Variants in POMGNT1 observed in about 807,000 individuals in gnomAD.
POMGNT1 encodes protein O-linked-mannose beta-1,2-N-acetylglucosaminyltransferase 1.
Under a neutral mutation model 95.6 loss-of-function variants are expected in POMGNT1, and 67 were observed. The ratio of observed to expected loss-of-function variants is 0.70; its 90% CI spans 0.58 to 0.86. The LOEUF (loss-of-function observed/expected upper bound fraction) is 0.86, where lower values mean the gene tolerates loss of function less well. Ranked by LOEUF, POMGNT1 falls within the 40% of genes least tolerant of loss-of-function variation. The probability of loss-of-function intolerance (pLI) is 0.00; values close to 1 mark genes in which losing one functional copy is unlikely to be tolerated. For missense variants in POMGNT1, 719 were observed against 855.2 expected (o/e 0.84, Z 1.99); for synonymous variants, 298 against 317.9 (o/e 0.94, Z 0.66).
At chr1:46,203,876 A>G (rs1458790876) in intron 1 of POMGNT1, among the ~76,000 whole-genome samples, 1 of 152,082 alleles carries the variant, frequency 6.6e-6, no homozygotes, top group East Asian at 1.9e-4. Flanking sequence ...TTTGGAAGTT[A>G]TTCCTGCCAA....
chr1:46,220,205 T>C (rs762177214), exon 1 of POMGNT1: 2 of 1,607,934 alleles, frequency 1.2e-6, no homozygotes, highest in Non-Finnish European at 1.7e-6. Flanking sequence ...GCCAGGATGA[T>C]GTGACCTTCT....
chr1:46,189,046 C>G lies in POMGNT1; in HGVS notation c.*224G>C. 2.6e-6 allele frequency: 4 copies of G among 1,542,936 alleles called. No homozygotes were observed. The highest frequency in any genetic ancestry group is 3.5e-6 in the Non-Finnish European group (4 of 1,150,064). ...GGGATCGTAATGATTCCCAGGTACT[C>G]TCCTGCCCTTCTCCAACAAGGAAGT... On this transcript the variant is annotated 3_prime_UTR_variant, in exon 22 of 22. Coordinates refer to ENST00000371984, the MANE Select transcript of POMGNT1 (RefSeq NM_017739.4).
chr1:46,197,589 C>T (rs1009251584), intron 2 of POMGNT1, 113 bp downstream of exon 2: 2 of 1,574,310 alleles, frequency 1.3e-6, no homozygotes, highest in East Asian at 2.2e-5. Flanking sequence ...CCTCTAGGAA[C>T]CTGCTGCCCC....
At chr1:46,199,230 A>G (rs894508855), upstream of POMGNT1, among the ~76,000 whole-genome samples, 16 of 152,202 alleles carry the variant, frequency 1.1e-4, no homozygotes, top group Non-Finnish European at 2.1e-4. Context: ...GCAGTGAGCC[A>G]CCGTGCTGGC....
intron 17 of POMGNT1, chr1:46,191,348 T>C (rs912222004): frequency 8.3e-5 from 16 of 193,634 alleles, no homozygotes; most frequent in Admixed American, 6.4e-4. Context: ...GGAATGGTCC[T>C]CTGAATGCAG....
chr1:46,218,505 CAT>C (rs938771827), intron 1 of POMGNT1, among the ~76,000 whole-genome samples: 8 of 152,242 alleles, frequency 5.3e-5, no homozygotes, highest in African/African-American at 1.9e-4. Flanking sequence ...GCGAGAGCCA[CAT>C]GTTACAGGCT....
At position 46,193,418 on chromosome 1, in the gene POMGNT1, G is replaced by T. The variant is rs1253674047; in HGVS notation, c.1027-30C>A. The T allele has an allele frequency of 3.1e-6, 5 of 1,607,738 alleles. No individual in the cohort carries two copies. In the South Asian group the frequency reaches 5.5e-5, roughly 18 times the overall value. ...GGGACATGGCCACTGCTCACCATGTGAGGTCACTTTCCCTCTGCCCACCTC... is the reference window on the plus strand; with the variant it reads ...GGGACATGGCCACTGCTCACCATGTTAGGTCACTTTCCCTCTGCCCACCTC... On this transcript the variant is annotated intron_variant, in intron 11 of 21. Coordinates refer to ENST00000371984, the MANE Select transcript of POMGNT1 (RefSeq NM_017739.4).
intron 2 of POMGNT1, chr1:46,197,407 G>T: frequency 6.7e-7 from 1 of 1,490,118 alleles, no homozygotes; most frequent in South Asian, 1.2e-5. Flanking sequence ...CCAAGCGGGG[G>T]ATCAGACCTG....
rs184338401 is a variant in POMGNT1, at chr1:46,207,961, G to A, written c.-50-10090C>T. On this transcript the variant is annotated intron_variant, in intron 1 of 22. Transcript: ENST00000371992. The stretch of plus-strand genomic sequence containing the variant: ...CGGCTCACTGCAACCTCTGCCTCCC[G>A]GGTTCAAGCGATTCTCCTGCCTCAG... 5.8e-4 allele frequency among the ~76,000 whole-genome samples: 88 copies of A among 152,016 alleles called. 1 individual carries two copies. Among genetic ancestry groups the A allele is most frequent in the African/African-American group, 2.1e-3 (85 of 41,442 alleles).
intron 1 of POMGNT1, among the ~76,000 whole-genome samples, chr1:46,216,876 T>G (rs2148252582): frequency 6.6e-6 from 1 of 152,318 alleles, no homozygotes; most frequent in South Asian, 2.1e-4. Flanking sequence ...CATTTATAAG[T>G]TAGAACATGC....
chr1:46,197,442 G>C, intron 2 of POMGNT1: 1 of 1,492,450 alleles, frequency 6.7e-7, no homozygotes, highest in Non-Finnish European at 8.9e-7. Context: ...CTGCCTCACA[G>C]GGGTGTGCCT....
chr1:46,194,041 T>A, intron 9 of POMGNT1, 116 bp from the exon 10 acceptor site: 2 of 1,556,640 alleles, frequency 1.3e-6, no homozygotes, highest in African/African-American at 1.3e-5. Flanking sequence ...AGGGAAGGGA[T>A]AGAGGATCTT....
intron 1 of POMGNT1, chr1:46,203,604 A>G (rs62620991): frequency 6.3e-7 from 1 of 1,598,634 alleles, no homozygotes; most frequent in East Asian, 2.3e-5. Flanking sequence ...GGACAAGATC[A>G]TGGCGCTGAA....
At chr1:46,190,692 C>T in intron 18 of POMGNT1, 28 bp downstream of exon 18, 8 of 1,597,242 alleles carry the variant, frequency 5.0e-6, no homozygotes, top group Non-Finnish European at 6.9e-6. Flanking sequence ...CCTAGATATC[C>T]ACCCCTTGCC....
At chr1:46,195,767 T>C in intron 6 of POMGNT1, 44 bp downstream of exon 6, 11 of 1,524,220 alleles carry the variant, frequency 7.2e-6, no homozygotes, top group Non-Finnish European at 9.8e-6. Context: ...GAAGCAGGGT[T>C]GGAGCTAGGG....
At chr1:46,213,161 A>C (rs188617595) in intron 1 of POMGNT1, among the ~76,000 whole-genome samples, 5 of 152,000 alleles carry the variant, frequency 3.3e-5, no homozygotes, top group Admixed American at 1.3e-4. Context: ...ATACACAAAT[A>C]TTTATATGAT....
At chr1:46,219,609 G>A in intron 1 of POMGNT1, 1 of 1,377,142 alleles carries the variant, frequency 7.3e-7, no homozygotes. Flanking sequence ...GTGAAACATG[G>A]TTGGCTGAAC....
rs1658786499 is a variant in POMGNT1, at chr1:46,208,372, T to G, written c.-50-10501A>C. Among the ~76,000 whole-genome samples the G allele has an allele frequency of 2.6e-5, 4 of 152,194 alleles. No homozygotes were observed. The South Asian group carries it at 8.3e-4, about 32-fold the overall frequency. The stretch of plus-strand genomic sequence containing the variant: ...TGAACCTTCTGAAGGTAAGAAATGA[T>G]GCCTTTTCTTTCTTCATCGAACATA... On this transcript the variant is annotated intron_variant, in intron 1 of 22. Coordinates refer to the POMGNT1 transcript ENST00000371992.
At chr1:46,190,836 C>A (rs1230920382) in intron 17 of POMGNT1, 52 bp from the exon 18 acceptor site, 1 of 1,514,254 alleles carries the variant, frequency 6.6e-7, no homozygotes, top group South Asian at 1.1e-5. Context: ...CTGGCCCACA[C>A]CCACTTGCTG....
Sources: gnomAD v4.1 joint callset for allele counts (sites outside exome capture counted in the v4.1 genomes callset) on GRCh38, gnomAD v4.1.1 for gene constraint, MANE v1.5 for transcripts, NCBI Gene and HGNC (gene_info 2026-07-23, HGNC 2026-07-21) for gene names.